Variants in MYO3A observed in about 807,000 individuals in gnomAD.
MYO3A encodes the protein myosin-IIIa.
Under a neutral mutation model 192.7 loss-of-function variants are expected in MYO3A, and 180 were observed. The ratio of observed to expected loss-of-function variants is 0.93; its 90% CI spans 0.83 to 1.06. The LOEUF (loss-of-function observed/expected upper bound fraction) is 1.06. Ranked by LOEUF, MYO3A falls within the 50% of genes least tolerant of loss-of-function variation. MYO3A has a pLI of 0.00. For synonymous variants in MYO3A, 628 were observed against 645.3 expected (o/e 0.97, Z 0.41); for missense variants, 1,896 against 1,905.0 (o/e 1.00, Z 0.09).
At chr10:26,103,501 G>A (rs1382689666) in intron 17 of MYO3A, among the ~76,000 whole-genome samples, 6 of 152,128 alleles carry the variant, frequency 3.9e-5, no homozygotes, top group South Asian at 4.1e-4. Context: ...GTTCCTATTC[G>A]GCCATCTTGG....
chr10:26,211,848 G>A lies in MYO3A; in HGVS notation c.4736G>A (p.Trp1579Ter). The part of the protein sequence containing the change: ...NQCIKANERC[W>*]AAESPEKEEE... ...GCCCTGGGTTTCACTTGCAGGTGCT[G>A]GGCGGCGGAGAGCCCCGAGAAGGAG... Residue 1579 changes from tryptophan (W) to a stop codon, truncating the protein, a stop_gained, in exon 35 of 35, where the codon TGG becomes TAG. Transcript: ENST00000642920. LOFTEE classifies it high-confidence loss of function. The A allele has an allele frequency of 6.2e-7, 1 of 1,614,060 alleles. No individual in the cohort carries two copies. Among genetic ancestry groups the A allele is most frequent in the South Asian group, 1.1e-5 (1 of 91,020 alleles).
At chr10:25,968,429 A>G (rs555219034) in intron 4 of MYO3A, among the ~76,000 whole-genome samples, 81 of 152,376 alleles carry the variant, frequency 5.3e-4, no homozygotes, top group African/African-American at 1.9e-3. Context: ...GCTGAAGGAA[A>G]ATGATTCCAG....
intron 2 of MYO3A, among the ~76,000 whole-genome samples, chr10:25,944,283 T>C (rs999944400): frequency 6.6e-6 from 1 of 152,052 alleles, no homozygotes; most frequent in African/African-American, 2.4e-5. Context: ...TTTAATATGC[T>C]GTTGAAGTTA....
At chr10:26,157,610 G>A (rs997865401) in intron 26 of MYO3A, 95 bp downstream of exon 26, 18 of 1,319,416 alleles carry the variant, frequency 1.4e-5, no homozygotes, top group Non-Finnish European at 1.8e-5. Flanking sequence ...ATCTTTAGAG[G>A]TCTAGGAGGG....
At chr10:26,205,202 T>C (rs547397840) in intron 34 of MYO3A, among the ~76,000 whole-genome samples, 118 of 152,346 alleles carry the variant, frequency 7.7e-4, no homozygotes, top group African/African-American at 2.7e-3. Flanking sequence ...CATTGTGGAA[T>C]GGCTTGATCA....
At chr10:25,949,157 T>C (rs1026342259) in intron 2 of MYO3A, among the ~76,000 whole-genome samples, 8 of 152,134 alleles carry the variant, frequency 5.3e-5, no homozygotes, top group Non-Finnish European at 1.2e-4. Context: ...TATGTTATAG[T>C]TACATGTTTA....
chr10:26,075,651 G>A (rs1409672637), intron 14 of MYO3A, among the ~76,000 whole-genome samples: 1 of 133,620 alleles, frequency 7.5e-6, no homozygotes, highest in Non-Finnish European at 1.6e-5. Flanking sequence ...TGATATATAT[G>A]TCTCTCATAT....
intron 14 of MYO3A, among the ~76,000 whole-genome samples, chr10:26,077,592 C>G (rs1835672965): frequency 6.6e-6 from 1 of 151,962 alleles, no homozygotes; most frequent in South Asian, 2.1e-4. Context: ...AGAGGGAATG[C>G]TTTCAACTTT....
chr10:26,203,264 A>C (rs921707936), intron 34 of MYO3A, among the ~76,000 whole-genome samples, 157 bp downstream of exon 34: 1 of 152,208 alleles, frequency 6.6e-6, no homozygotes, highest in Non-Finnish European at 1.5e-5. Context: ...TGTCATGTAC[A>C]GTGTTATGGT....
Position 25,955,028 on chromosome 10 carries a change from T to G in MYO3A, c.303+20T>G. The G allele has an allele frequency of 6.2e-7, 1 of 1,611,768 alleles. No homozygotes were observed. Among genetic ancestry groups the G allele is most frequent in the Non-Finnish European group, 8.5e-7 (1 of 1,178,274 alleles). ...CTTGAGGTAAGTGTGTCAGCATCAT[T>G]TGTATGGGTGGAAACTTAGAGTGTG... On this transcript the variant is annotated intron_variant, in intron 4 of 34. Coordinates refer to ENST00000642920, the MANE Select transcript of MYO3A (RefSeq NM_017433.5).
intron 6 of MYO3A, 61 bp from the exon 7 acceptor site, chr10:26,016,759 A>G: frequency 6.8e-6 from 10 of 1,462,962 alleles, no homozygotes; most frequent in Non-Finnish European, 8.6e-6. Flanking sequence ...AGATTATAGC[A>G]ATTGAAAGCT....
chr10:26,091,449 A>C (rs577995442), intron 15 of MYO3A, among the ~76,000 whole-genome samples: 10 of 152,338 alleles, frequency 6.6e-5, no homozygotes, highest in African/African-American at 2.4e-4. Flanking sequence ...GCAATGCTAG[A>C]TAATTCTCAT....
intron 10 of MYO3A, among the ~76,000 whole-genome samples, chr10:26,044,117 T>C (rs190685063): frequency 4.7e-4 from 72 of 152,302 alleles, no homozygotes; most frequent in Non-Finnish European, 8.1e-4. Flanking sequence ...ATTTGGGAAC[T>C]AGGGCCTTGA....
In MYO3A at chr10:26,212,431, G is replaced by A. The variant is rs1844270955; in HGVS notation, c.*468G>A. The A allele has an allele frequency of 4.0e-6, 1 of 251,270 alleles. No individual in the cohort carries two copies. The highest frequency in any genetic ancestry group is 5.5e-5 in the Admixed American group (1 of 18,218). 15.6% of individuals were successfully genotyped at this position (251,270 alleles called of 1,614,324 possible). ...TTGAATCTTAGAGAAAAAAGCCCGG[G>A]AGGGGTGGGGAGAATTTCGAAGATG... On this transcript the variant is annotated 3_prime_UTR_variant, in exon 35 of 35. Transcript: ENST00000642920.
chr10:26,096,256 A>G, intron 15 of MYO3A, 125 bp from the exon 16 acceptor site: 1 of 705,906 alleles, frequency 1.4e-6, no homozygotes, highest in Non-Finnish European at 2.4e-6. Context: ...CAGAAAGCCA[A>G]AATGCAGTAT....
rs1437673367 is a variant in MYO3A at position 25,954,936 on chromosome 10, T to C, written c.231T>C (p.Asn77=). ...NILKALSDHP[N]VVRFYGIYFK... The stretch of plus-strand genomic sequence containing the variant: ...TAAAAGCACTTTCTGACCACCCTAA[T>C]GTGGTCAGATTCTATGGGATATACT... Residue 77 remains asparagine (N), a synonymous_variant, in exon 4 of 35, where the codon AAT becomes AAC. Coordinates refer to ENST00000642920, the MANE Select transcript of MYO3A (RefSeq NM_017433.5). 1.2e-6 allele frequency: 2 copies of C among 1,609,936 alleles called. No homozygotes were observed. The highest frequency in any genetic ancestry group is 3.3e-5 in the Admixed American group (2 of 59,938).
chr10:26,167,361 A>C (rs956841223), intron 27 of MYO3A, among the ~76,000 whole-genome samples: 2 of 152,218 alleles, frequency 1.3e-5, no homozygotes, highest in African/African-American at 4.8e-5. Context: ...TTACTTTAGT[A>C]AGGGGATATT....
chr10:26,137,050 G>A (rs769336855), intron 20 of MYO3A, among the ~76,000 whole-genome samples: 4 of 151,774 alleles, frequency 2.6e-5, no homozygotes, highest in Non-Finnish European at 5.9e-5. Context: ...GACCCAGTAA[G>A]TACAGGTTGA....
intron 31 of MYO3A, among the ~76,000 whole-genome samples, chr10:26,189,038 G>C (rs943127789): frequency 2.1e-5 from 3 of 141,686 alleles, no homozygotes; most frequent in Non-Finnish European, 4.7e-5. Flanking sequence ...GTCATTGGTA[G>C]CTTGATGGGG....
Sources: allele counts gnomAD v4.1 joint callset (sites outside exome capture counted in the v4.1 genomes callset), GRCh38; gene constraint gnomAD v4.1.1; transcripts MANE v1.5; gene names NCBI Gene and HGNC (gene_info 2026-07-23, HGNC 2026-07-21).